The following ADARB2 variants were observed in gnomAD, a reference collection of about 807,000 sequenced individuals.
The protein encoded by ADARB2 is inactive double-stranded RNA-specific editase B2.
A neutral mutation model predicts 62.2 loss-of-function variants in ADARB2; 25 were observed. The observed-to-expected ratio is 0.40, with a 90% CI of 0.29 to 0.56. The LOEUF is 0.56. Ranked by LOEUF, ADARB2 falls within the 20% of genes least tolerant of loss-of-function variation. The pLI is 0.43. For synonymous variants in ADARB2, 572 were observed against 500.8 expected (o/e 1.14, Z -1.90); for missense variants, 1,071 against 1,077.4 (o/e 0.99, Z 0.08).
At chr10:1,731,726 T>C (rs995312775) in intron 1 of ADARB2, among the ~76,000 whole-genome samples, 1 of 152,170 alleles carries the variant, frequency 6.6e-6, no homozygotes, top group Non-Finnish European at 1.5e-5. Context: ...ACGAATCAGG[T>C]TCTCGGCCAC....
intron 1 of ADARB2, among the ~76,000 whole-genome samples, chr10:1,526,084 G>A (rs1588287814): frequency 6.6e-6 from 1 of 152,216 alleles, no homozygotes; most frequent in Admixed American, 6.5e-5. Flanking sequence ...GAGGGACAGG[G>A]CATGTCCTAG....
intron 1 of ADARB2, among the ~76,000 whole-genome samples, chr10:1,432,941 G>A (rs1830792040): frequency 6.6e-6 from 1 of 151,976 alleles, no homozygotes; most frequent in African/African-American, 2.4e-5. Context: ...TGAATACGTG[G>A]TTCAATGGAT....
intron 1 of ADARB2, among the ~76,000 whole-genome samples, chr10:1,448,363 A>T (rs941079382): frequency 6.6e-6 from 1 of 152,180 alleles, no homozygotes; most frequent in Non-Finnish European, 1.5e-5. Context: ...GGTTTTATGT[A>T]TATGCATGTG....
chr10:1,621,919 A>T (rs200903955), intron 1 of ADARB2, among the ~76,000 whole-genome samples: 2 of 146,466 alleles, frequency 1.4e-5, no homozygotes, highest in African/African-American at 5.1e-5. Flanking sequence ...ATAGTAAAAA[A>T]CAATTTTGCA....
chr10:1,552,405 A>G (rs1430923560), intron 1 of ADARB2, among the ~76,000 whole-genome samples: 1 of 151,382 alleles, frequency 6.6e-6, no homozygotes, highest in Non-Finnish European at 1.5e-5. Context: ...GGTGAAGAGA[A>G]GTGGGAGGCA....
intron 1 of ADARB2, among the ~76,000 whole-genome samples, chr10:1,600,580 T>A (rs1340214480): frequency 7.2e-6 from 1 of 138,956 alleles, no homozygotes; most frequent in Admixed American, 8.2e-5. Context: ...GAGGATCACT[T>A]GAACTCAGGA....
At chr10:1,490,707 G>A (rs1038606956) in intron 1 of ADARB2, among the ~76,000 whole-genome samples, 7 of 152,098 alleles carry the variant, frequency 4.6e-5, no homozygotes, top group African/African-American at 1.7e-4. Flanking sequence ...TGCTCTCTTT[G>A]GCTTCCCAAA....
At chr10:1,678,658 A>C (rs1834499164) in intron 1 of ADARB2, among the ~76,000 whole-genome samples, 1 of 152,022 alleles carries the variant, frequency 6.6e-6, no homozygotes, top group South Asian at 2.1e-4. Flanking sequence ...AAGCTGCCGT[A>C]GTTCACAGCC....
intron 1 of ADARB2, among the ~76,000 whole-genome samples, chr10:1,488,712 C>A (rs1316017482): frequency 1.3e-5 from 2 of 152,194 alleles, no homozygotes; most frequent in Non-Finnish European, 2.9e-5. Context: ...CATCTCCCTG[C>A]ATGCATGTCT....
chr10:1,426,787 A>G lies in ADARB2; in HGVS notation c.101-47627T>C, dbSNP rs1832896788. Among the ~76,000 whole-genome samples, 1 of 152,152 alleles carries G rather than the reference A, an allele frequency of 6.6e-6. No individual in the cohort carries two copies. The highest frequency in any genetic ancestry group is 1.5e-5 in the Non-Finnish European group (1 of 68,026). ...CCCTGGTTGACTCCTGACGGCGCTT[A>G]CTCCACCACTGCATCCCTTCTATAC... On this transcript the variant is annotated intron_variant, in intron 1 of 9. Transcript: ENST00000381312. The surrounding 1 kb of genome is among the most constrained non-coding windows in gnomAD (Gnocchi z 4.1).
intron 7 of ADARB2, among the ~76,000 whole-genome samples, chr10:1,208,964 G>A (rs556644595): frequency 4.6e-5 from 7 of 152,178 alleles, no homozygotes; most frequent in Non-Finnish European, 7.4e-5. Context: ...GGTGGGGTGG[G>A]GGTTCTGCCC....
At chr10:1,341,808 T>C (rs568283117) in intron 3 of ADARB2, among the ~76,000 whole-genome samples, 1 of 152,178 alleles carries the variant, frequency 6.6e-6, no homozygotes, top group East Asian at 1.9e-4. Context: ...GAGAACCACG[T>C]GCCCCAAAGC....
chr10:1,348,429 T>C (rs892791898), intron 3 of ADARB2, among the ~76,000 whole-genome samples: 1 of 152,122 alleles, frequency 6.6e-6, no homozygotes, highest in African/African-American at 2.4e-5. Context: ...GCCTGAGCCC[T>C]GGAGCCTGTG....
chr10:1,503,295 T>G (rs1157701731), intron 1 of ADARB2, among the ~76,000 whole-genome samples: 1 of 151,812 alleles, frequency 6.6e-6, no homozygotes, highest in East Asian at 1.9e-4. Flanking sequence ...CAAGCAATCC[T>G]CCTGGCTCAG....
At chr10:1,240,895 C>A (rs1388874392) in intron 5 of ADARB2, among the ~76,000 whole-genome samples, 3 of 152,372 alleles carry the variant, frequency 2.0e-5, no homozygotes, top group Admixed American at 2.0e-4. Flanking sequence ...CCATATCCAA[C>A]TCCTGCTGCA....
At chr10:1,524,494 G>C (rs948031746) in intron 1 of ADARB2, among the ~76,000 whole-genome samples, 3 of 152,102 alleles carry the variant, frequency 2.0e-5, no homozygotes, top group African/African-American at 7.2e-5. Flanking sequence ...TTGGATAATG[G>C]GTCAATCAGC....
intron 2 of ADARB2, among the ~76,000 whole-genome samples, chr10:1,378,211 C>T (rs573326157): frequency 2.8e-4 from 43 of 152,298 alleles, no homozygotes; most frequent in African/African-American, 9.9e-4. Flanking sequence ...AGTCTGCTCC[C>T]GAGATGCCGC....
At position 1,452,417 on chromosome 10, in the gene ADARB2, A is replaced by G. The variant is rs1031547380; in HGVS notation, c.101-73257T>C. Reference sequence around the variant, plus strand: ...CTTTCTAGTTCTTTTACTCAGCTCAAAAACTTTCTTAGAAATACAGGTGAT... The same window carrying G: ...CTTTCTAGTTCTTTTACTCAGCTCAGAAACTTTCTTAGAAATACAGGTGAT... On this transcript the variant is annotated intron_variant, in intron 1 of 9. Coordinates refer to ENST00000381312, the MANE Select transcript of ADARB2 (RefSeq NM_018702.4). Among the ~76,000 whole-genome samples, 3 of 152,308 alleles carry G rather than the reference A, an allele frequency of 2.0e-5. No individual in the cohort carries two copies. The South Asian group carries it at 6.2e-4, about 32-fold the overall frequency.
intron 3 of ADARB2, chr10:1,289,992 T>C (rs936861672): frequency 6.6e-6 from 1 of 152,160 alleles, no homozygotes; most frequent in Non-Finnish European, 1.5e-5. Flanking sequence ...CTTCCAGGGT[T>C]ACAGACATTG....
Sources: allele counts gnomAD v4.1 joint callset (sites outside exome capture counted in the v4.1 genomes callset), GRCh38; gene constraint gnomAD v4.1.1; non-coding constraint Gnocchi (gnomAD v3.1); transcripts MANE v1.5; gene names NCBI Gene and HGNC (gene_info 2026-07-23, HGNC 2026-07-21).